PPP6R2: variants seen among roughly 807,000 people sequenced by gnomAD.
The protein encoded by PPP6R2 is protein phosphatase 6 regulatory subunit 2, also known as serine/threonine-protein phosphatase 6 regulatory subunit 2.
PPP6R2 carries 62 observed loss-of-function variants against 100.2 expected under a neutral mutation model. That is an observed-to-expected ratio of 0.62 (90% CI 0.50 to 0.76). The LOEUF (loss-of-function observed/expected upper bound fraction) is 0.76. Among genes scored for constraint, PPP6R2 ranks in the 30% least tolerant of loss-of-function variants. The probability of loss-of-function intolerance (pLI) is 0.00; values close to 1 mark genes in which losing one functional copy is unlikely to be tolerated. For synonymous variants in PPP6R2, 525 were observed against 514.7 expected, an observed-to-expected ratio of 1.02 and a Z score of -0.27; for missense variants, 1,142 against 1,276.3, an observed-to-expected ratio of 0.89 and a Z score of 1.60.
In PPP6R2 at chr22:50,423,019, G is replaced by C. The variant is rs2061542075; in HGVS notation, c.973-443G>C. On this transcript the variant is annotated intron_variant, in intron 9 of 23. Transcript: ENST00000612753. The surrounding 1 kb of genome is among the most constrained non-coding windows in gnomAD (Gnocchi z 4.8). ...AAAAGACCGCGGTCCATCGGAGGAG[G>C]CATTCCCGTCAGTGTCCCCAAAGTG... Among the ~76,000 whole-genome samples, 1 of 152,182 alleles carries C rather than the reference G, an allele frequency of 6.6e-6. No individual in the cohort carries two copies. Among genetic ancestry groups the C allele is most frequent in the Non-Finnish European group, 1.5e-5 (1 of 68,028 alleles).
upstream of PPP6R2, among the ~76,000 whole-genome samples, chr22:50,339,753 TGG>T (rs766509075): frequency 8.9e-6 from 1 of 111,732 alleles, no homozygotes; most frequent in South Asian, 3.1e-4. Flanking sequence ...TAGTATGTGG[TGG>T]TGTGTGGTGT....
intron 2 of PPP6R2, among the ~76,000 whole-genome samples, chr22:50,382,658 T>C (rs1003350987): frequency 6.6e-6 from 1 of 152,118 alleles, no homozygotes; most frequent in African/African-American, 2.4e-5. Flanking sequence ...GAGAGCACTA[T>C]ACAATTTTGA....
chr22:50,393,614 G>A (rs1441296594), intron 2 of PPP6R2: 1 of 955,650 alleles, frequency 1.0e-6, no homozygotes, highest in Non-Finnish European at 1.2e-6. Context: ...AGCTGGGGGT[G>A]CAGCCTCAGA....
intron 1 of PPP6R2, among the ~76,000 whole-genome samples, chr22:50,346,617 C>T (rs1414048145): frequency 2.1e-5 from 3 of 141,260 alleles, no homozygotes; most frequent in South Asian, 2.4e-4. Flanking sequence ...ACCCATCAGT[C>T]CCCACCCCAC....
rs570875143 is a variant in PPP6R2, at chr22:50,398,158, C to T, written c.227+4023C>T. On this transcript the variant is annotated intron_variant, in intron 3 of 23. Coordinates refer to ENST00000612753, the MANE Select transcript of PPP6R2 (RefSeq NM_001242898.2). ...GACCAGCCTGGGCAATATAGCGAGA[C>T]TCCATCTCTTTTTTTTTTTTTTTTT... 2.2e-3 allele frequency among the ~76,000 whole-genome samples: 331 copies of T among 151,030 alleles called. 1 individual carries two copies. Among genetic ancestry groups the T allele is most frequent in the African/African-American group, 7.6e-3 (314 of 41,268 alleles).
the PPP6R2 span, among the ~76,000 whole-genome samples, chr22:50,330,776 A>G: frequency 6.6e-6 from 1 of 151,416 alleles, no homozygotes; most frequent in African/African-American, 2.4e-5. Flanking sequence ...GGAGGCTTAG[A>G]GTCAGAGAAG....
intron 3 of PPP6R2, among the ~76,000 whole-genome samples, chr22:50,396,494 CAAAA>C (rs548563660): frequency 4.1e-5 from 4 of 97,166 alleles, no homozygotes; most frequent in Admixed American, 1.1e-4. Flanking sequence ...GACTCCGTCT[CAAAA>C]AAAAAAAAAA....
intron 4 of PPP6R2, among the ~76,000 whole-genome samples, chr22:50,413,177 C>T (rs2060015327): frequency 1.3e-5 from 2 of 150,918 alleles, no homozygotes; most frequent in South Asian, 4.2e-4. Context: ...CTGGTCTCGA[C>T]CTCAGTCTGG....
intron 9 of PPP6R2, among the ~76,000 whole-genome samples, chr22:50,422,796 G>A (rs1051654757): frequency 9.2e-5 from 14 of 152,048 alleles, no homozygotes; most frequent in Admixed American, 6.6e-5. Flanking sequence ...TCCCCATCCC[G>A]TCTCACCCTC....
intron 1 of PPP6R2, among the ~76,000 whole-genome samples, chr22:50,360,968 T>G (rs147244337): frequency 6.6e-6 from 1 of 152,256 alleles, no homozygotes; most frequent in Non-Finnish European, 1.5e-5. Context: ...TCTGGGCTAC[T>G]GTGGACAGTC....
Position 50,444,481 on chromosome 22 carries a change from C to T in PPP6R2, c.*234C>T, listed in dbSNP as rs2066601175. The T allele has an allele frequency of 1.1e-5, 6 of 544,674 alleles. 1 individual carries two copies. The Middle Eastern group carries it at 1.5e-3, about 133-fold the overall frequency. 33.7% of individuals were successfully genotyped at this position (544,674 alleles called of 1,614,324 possible). A position where few individuals can be genotyped will look rare whatever the true frequency, so the allele number is the denominator to read the frequency against. Reference sequence around the variant, plus strand: ...GGAGGACAGAGGGGCACCTCAGCCGCCCCCAAGCCCAGAGCACAGCAATAA... The same window carrying T: ...GGAGGACAGAGGGGCACCTCAGCCGTCCCCAAGCCCAGAGCACAGCAATAA... On this transcript the variant is annotated 3_prime_UTR_variant, in exon 24 of 24. Coordinates refer to ENST00000612753, the MANE Select transcript of PPP6R2 (RefSeq NM_001242898.2).
intron 6 of PPP6R2, 91 bp downstream of exon 6, chr22:50,416,248 A>T: frequency 1.8e-6 from 2 of 1,130,178 alleles, no homozygotes; most frequent in Non-Finnish European, 2.6e-6. Context: ...GAGGGAGGGC[A>T]AGTCATCCCT....
the PPP6R2 span, among the ~76,000 whole-genome samples, chr22:50,335,042 T>C: frequency 6.6e-6 from 1 of 152,050 alleles, no homozygotes; most frequent in Non-Finnish European, 1.5e-5. Context: ...AATTGCTATC[T>C]TAACAATGTT....
chr22:50,336,379 ATTTTAT>A, the PPP6R2 span, among the ~76,000 whole-genome samples: 1 of 151,920 alleles, frequency 6.6e-6, no homozygotes, highest in African/African-American at 2.4e-5. Context: ...TCATTATTTT[ATTTTAT>A]TTTATTTTGA....
At chr22:50,388,033 G>C (rs1023630002) in intron 2 of PPP6R2, among the ~76,000 whole-genome samples, 5 of 152,134 alleles carry the variant, frequency 3.3e-5, no homozygotes, top group African/African-American at 1.2e-4. Flanking sequence ...CTGGGCGCCA[G>C]TGGCTCATGC....
chr22:50,340,143 GTGGT>G (rs1180089735), upstream of PPP6R2, among the ~76,000 whole-genome samples: 1 of 137,720 alleles, frequency 7.3e-6, no homozygotes, highest in African/African-American at 2.7e-5. Context: ...TGTACAGTGT[GTGGT>G]GTGTGTAGGG....
intron 3 of PPP6R2, among the ~76,000 whole-genome samples, chr22:50,397,352 A>G (rs1049011934): frequency 1.8e-4 from 28 of 152,314 alleles, no homozygotes; most frequent in African/African-American, 6.7e-4. Context: ...GAGGGAGGGA[A>G]AGGGAGAGGG....
intron 1 of PPP6R2, among the ~76,000 whole-genome samples, chr22:50,350,869 T>G (rs1251778165): frequency 1.3e-5 from 2 of 151,158 alleles, no homozygotes; most frequent in Non-Finnish European, 2.9e-5. Flanking sequence ...AATTACTCCT[T>G]GATCCATGGG....
At chr22:50,356,085 C>G (rs539309920) in intron 1 of PPP6R2, among the ~76,000 whole-genome samples, 29 of 151,636 alleles carry the variant, frequency 1.9e-4, no homozygotes, top group Admixed American at 1.0e-3. Context: ...GCCTCAGCCT[C>G]CAGAGTAGCT....
Sources: allele counts gnomAD v4.1 joint callset (sites outside exome capture counted in the v4.1 genomes callset), GRCh38; gene constraint gnomAD v4.1.1; non-coding constraint Gnocchi (gnomAD v3.1); transcripts MANE v1.5; gene names NCBI Gene and HGNC (gene_info 2026-07-23, HGNC 2026-07-21).